Variants in NTRK1 observed in about 807,000 individuals in gnomAD.
NTRK1 encodes the protein neurotrophic receptor tyrosine kinase 1, also known as high affinity nerve growth factor receptor.
NTRK1 carries 62 observed loss-of-function variants against 86.8 expected under a neutral mutation model. That is an observed-to-expected ratio of 0.71 (90% confidence interval 0.58 to 0.88). The LOEUF (loss-of-function observed/expected upper bound fraction) is 0.88. Ranked by LOEUF, NTRK1 falls within the 40% of genes least tolerant of loss-of-function variation. The probability of loss-of-function intolerance (pLI) is 0.00; values close to 1 mark genes in which losing one functional copy is unlikely to be tolerated. For missense variants in NTRK1, 967 were observed against 1,078.4 expected (o/e 0.90, Z 1.45); for synonymous variants, 469 against 456.6 (o/e 1.03, Z -0.35).
intron 1 of NTRK1, among the ~76,000 whole-genome samples, chr1:156,834,466 G>T (rs1571648465): frequency 6.6e-6 from 1 of 152,298 alleles, no homozygotes; most frequent in South Asian, 2.1e-4. Context: ...GAGACCGAAG[G>T]CCAAGAGAGG....
At position 156,846,000 on chromosome 1, in the gene NTRK1, G is replaced by T. The variant is rs1211293853; in HGVS notation, c.50+3807G>T. 8.1e-6 allele frequency: 13 copies of T among 1,614,026 alleles called. No homozygotes were observed. In the South Asian group the frequency reaches 1.2e-4, roughly 15 times the overall value. On this transcript the variant is annotated intron_variant, in intron 2 of 16. Coordinates refer to the NTRK1 transcript ENST00000392302. ...TAGAGGTCGCCGTCCTCTGCCAGCC[G>T]CTGCCACAGCACCAGGTAGTAGGTG...
upstream of NTRK1, among the ~76,000 whole-genome samples, chr1:156,859,427 T>TG (rs1466834596): frequency 6.6e-6 from 1 of 152,152 alleles, no homozygotes. This position sits in a 1 kb window ranked among gnomAD's most constrained non-coding sequence, Gnocchi z 6.2. Flanking sequence ...CCCGGGCTTC[T>TG]GGGGAGCGCT....
At chr1:156,872,292 C>T (rs1374276372) in intron 7 of NTRK1, among the ~76,000 whole-genome samples, 1 of 152,178 alleles carries the variant, frequency 6.6e-6, no homozygotes, top group African/African-American at 2.4e-5. Context: ...CCCCACCACC[C>T]AACACCTCTC....
At chr1:156,815,780 G>A in exon 1 of NTRK1, 2 of 1,613,376 alleles carry the variant, frequency 1.2e-6, no homozygotes, top group Non-Finnish European at 1.7e-6. Flanking sequence ...CTCAGCCTGA[G>A]CTTCCAGAGG....
At chr1:156,850,982 T>C (rs1655184977) in intron 2 of NTRK1, among the ~76,000 whole-genome samples, 1 of 152,254 alleles carries the variant, frequency 6.6e-6, no homozygotes, top group Admixed American at 6.5e-5. Context: ...ATGACAATTA[T>C]AGCCAACTGT....
chr1:156,826,489 G>A (rs1033792139), intron 1 of NTRK1, among the ~76,000 whole-genome samples: 41 of 151,764 alleles, frequency 2.7e-4, no homozygotes, highest in Non-Finnish European at 2.4e-4. Flanking sequence ...TTTTAGTAGA[G>A]ACAGGGTTTC....
At chr1:156,835,397 A>G (rs558808768) in intron 1 of NTRK1, among the ~76,000 whole-genome samples, 2 of 152,288 alleles carry the variant, frequency 1.3e-5, no homozygotes, top group African/African-American at 4.8e-5. Flanking sequence ...GGCTCTGTGC[A>G]CTCATCCTGA....
intron 16 of NTRK1, 39 bp downstream of exon 16, chr1:156,880,196 C>T (rs1202564721): frequency 8.1e-6 from 13 of 1,607,146 alleles, no homozygotes; most frequent in South Asian, 4.4e-5. Flanking sequence ...CTGGCCTCCC[C>T]GTCCCATGCC....
intron 2 of NTRK1, chr1:156,845,928 G>C (rs769901099): frequency 1.9e-6 from 3 of 1,606,192 alleles, no homozygotes. Flanking sequence ...CCCCGCGGCC[G>C]GCCTGCGCGT....
At chr1:156,867,153 C>T (rs749695502) in intron 4 of NTRK1, among the ~76,000 whole-genome samples, 175 bp downstream of exon 4, 19 of 152,244 alleles carry the variant, frequency 1.2e-4, no homozygotes, top group African/African-American at 2.4e-4. Context: ...CAGGACTACC[C>T]GTTAAGGGGG....
chr1:156,822,155 C>T (rs1571639020), intron 1 of NTRK1, among the ~76,000 whole-genome samples: 1 of 152,282 alleles, frequency 6.6e-6, no homozygotes, highest in East Asian at 1.9e-4. Context: ...AATTTGTGTC[C>T]AACACGGTCC....
chr1:156,860,817 C>T, upstream of NTRK1: 1 of 1,340,854 alleles, frequency 7.5e-7, no homozygotes, highest in Non-Finnish European at 9.5e-7. Flanking sequence ...CTGGCTCCGC[C>T]CTTTCCTGGC....
intron 1 of NTRK1, among the ~76,000 whole-genome samples, chr1:156,838,598 CA>C (rs1233694637): frequency 2.6e-5 from 4 of 152,222 alleles, no homozygotes; most frequent in Admixed American, 6.5e-5. Flanking sequence ...TCCTGAAGTC[CA>C]ACCTCCATCT....
At chr1:156,844,696 C>G (rs567316547) in intron 2 of NTRK1, 6 of 1,614,078 alleles carry the variant, frequency 3.7e-6, no homozygotes, top group Admixed American at 3.3e-5. Context: ...GGGGGTCCCA[C>G]GGGCACCTAC....
chr1:156,849,258 C>T lies in NTRK1; in HGVS notation c.50+7065C>T, dbSNP rs754659851. ...GTTGGGGTCTCACAGGCGGCGCGGT[C>T]TCCGTTGGTGCGGGGGTTGATCTCA... On this transcript the variant is annotated intron_variant, in intron 2 of 16. Coordinates refer to the NTRK1 transcript ENST00000392302. The T allele has an allele frequency of 5.0e-6, 8 of 1,613,902 alleles. No homozygotes were observed. In the East Asian group the frequency reaches 1.8e-4, roughly 36 times the overall value.
At chr1:156,824,278 C>G (rs1654264585) in intron 1 of NTRK1, among the ~76,000 whole-genome samples, 3 of 151,750 alleles carry the variant, frequency 2.0e-5, no homozygotes, top group Non-Finnish European at 2.9e-5. Context: ...TTCTCCTTTA[C>G]TGTTGTCCTT....
At position 156,881,331 on chromosome 1, in the gene NTRK1, G is replaced by C. The variant is rs550599542; in HGVS notation, c.2206-126G>C. 43 of 841,722 alleles carry C rather than the reference G, an allele frequency of 5.1e-5. No individual in the cohort carries two copies. In the Admixed American group the frequency reaches 1.1e-3, roughly 21 times the overall value. The allele number at this position is 841,722 out of a possible 1,614,324, so 52.1% of individuals were successfully genotyped here. ...TTGACTGTGTCCATTCGGGTTATTA[G>C]CAGCTAAGAAGCCCAGACGAGTAGT... On this transcript the variant is annotated intron_variant, in intron 16 of 16. Transcript: ENST00000524377.
Position 156,841,778 on chromosome 1 carries a change from C to A in NTRK1, c.-63-303C>A, listed in dbSNP as rs188025222. ...GGTAATAGTCTGTCTCATACACGTC[C>A]CGAGTCATCCCGAAGTCTGGAAAGT... On this transcript the variant is annotated intron_variant, in intron 1 of 16. Transcript: ENST00000392302. The A allele has an allele frequency of 3.5e-5, 57 of 1,614,114 alleles. No individual in the cohort carries two copies. The East Asian group carries it at 1.2e-3, about 35-fold the overall frequency.
At chr1:156,856,925 T>C (rs1655424537), upstream of NTRK1, among the ~76,000 whole-genome samples, 2 of 152,190 alleles carry the variant, frequency 1.3e-5, no homozygotes, top group Admixed American at 6.5e-5. Context: ...GATTCAAGTC[T>C]GAATGTTTCA....
Sources: gnomAD v4.1 joint callset for allele counts (sites outside exome capture counted in the v4.1 genomes callset) on GRCh38, gnomAD v4.1.1 for gene constraint, Gnocchi (gnomAD v3.1) non-coding constraint, MANE v1.5 for transcripts, NCBI Gene and HGNC (gene_info 2026-07-23, HGNC 2026-07-21) for gene names.